The following BATF variants were observed in gnomAD, a reference collection of about 807,000 sequenced individuals.
The protein encoded by BATF is basic leucine zipper ATF-like transcription factor.
Under a neutral mutation model 13.7 loss-of-function variants are expected in BATF, and 5 were observed. That is an observed-to-expected ratio of 0.36 (90% confidence interval 0.19 to 0.77). The LOEUF is 0.77. BATF is among the 30% of genes least tolerant of loss of function. BATF has a pLI of 0.51. For synonymous variants in BATF, 72 were observed against 67.5 expected (o/e 1.07, Z -0.33); for missense variants, 124 against 163.0 (o/e 0.76, Z 1.30).
intron 2 of BATF, among the ~76,000 whole-genome samples, chr14:75,545,388 A>ATTTTTTTTTTTTTTTTTTTT (rs35791450): frequency 9.5e-6 from 1 of 105,216 alleles, no homozygotes; most frequent in African/African-American, 3.9e-5. Context: ...CGCCTGGTTA[A>ATTTTTTTTTTTTTTTTTTTT]TTTTTTTTTT....
intron 2 of BATF, among the ~76,000 whole-genome samples, chr14:75,536,269 A>G (rs1887814879): frequency 6.6e-6 from 1 of 152,212 alleles, no homozygotes; most frequent in Non-Finnish European, 1.5e-5. Flanking sequence ...TTTGAGATCA[A>G]AGGTGAATCA....
At chr14:75,529,797 G>A (rs964469658) in intron 2 of BATF, among the ~76,000 whole-genome samples, 8 of 152,260 alleles carry the variant, frequency 5.3e-5, no homozygotes, top group Middle Eastern at 3.4e-3. Flanking sequence ...CGGGCGCGGC[G>A]GCTCACGCCT....
chr14:75,545,491 T>C (rs1887968320), intron 2 of BATF, among the ~76,000 whole-genome samples: 1 of 145,822 alleles, frequency 6.9e-6, no homozygotes, highest in Admixed American at 7.2e-5. Flanking sequence ...CACCTCCGCC[T>C]CCCAAAATGC....
rs764180470 is a variant in BATF at position 75,546,511 on chromosome 14, A to G, written c.218A>G (p.Lys73Arg). 1 of 1,614,224 alleles carries G rather than the reference A, an allele frequency of 6.2e-7. No homozygotes were observed. The highest frequency in any genetic ancestry group is 8.5e-7 in the Non-Finnish European group (1 of 1,180,030). The change falls in exon 3 of 3, where the codon AAG becomes AGG. Residue 73 changes from lysine (K) to arginine (R), a missense_variant. Lys to Arg is a conservative substitution (Grantham distance 26). Around this residue, in one of 2 missense-constraint regions of BATF, gnomAD observed 65 missense variants for 113.3 expected, o/e 0.57. Transcript: ENST00000286639. ...KQNAALRKEI[K>R]QLTEELKYFT... ...AACGCGGCTCTACGCAAGGAGATCA[A>G]GCAGCTCACAGAGGAACTGAAGTAC... is the stretch of plus-strand genomic sequence containing the variant.
intron 2 of BATF, among the ~76,000 whole-genome samples, chr14:75,528,556 G>A (rs1205239062): frequency 6.6e-6 from 1 of 152,184 alleles, no homozygotes; most frequent in Non-Finnish European, 1.5e-5. Context: ...TCGTAATTGT[G>A]ACATCAACAA....
At position 75,525,136 on chromosome 14, in the gene BATF, C is replaced by T. The variant is rs2140033747; in HGVS notation, c.116C>T (p.Ala39Val). The change falls in exon 2 of 3, where the codon GCC becomes GTC. Residue 39 changes from alanine to valine, a missense_variant. Transcript: ENST00000286639. Reference sequence around the variant, plus strand: ...CAGAGGAGGGAGAAAAATCGTATTGCCGCCCAGAAGAGCCGACAGAGGCAG... The same window carrying T: ...CAGAGGAGGGAGAAAAATCGTATTGTCGCCCAGAAGAGCCGACAGAGGCAG... ...RVQRREKNRI[A>V]AQKSRQRQTQ... The T allele has an allele frequency of 6.2e-7, 1 of 1,613,862 alleles. No homozygotes were observed. Among genetic ancestry groups the T allele is most frequent in the Non-Finnish European group, 8.5e-7 (1 of 1,179,906 alleles).
intron 1 of BATF, 120 bp from the exon 2 acceptor site, chr14:75,524,964 G>T: frequency 2.5e-6 from 2 of 790,754 alleles, no homozygotes; most frequent in Non-Finnish European, 4.1e-6. Flanking sequence ...GGGATGGAGG[G>T]TTCATGCAGA....
intron 1 of BATF, among the ~76,000 whole-genome samples, chr14:75,524,355 G>A (rs1188506954): frequency 1.3e-5 from 2 of 152,200 alleles, no homozygotes; most frequent in African/African-American, 2.4e-5. Context: ...GGGGCCATGG[G>A]GAATGTCACA....
intron 2 of BATF, among the ~76,000 whole-genome samples, chr14:75,526,181 G>C (rs1887652001): frequency 6.6e-6 from 1 of 152,150 alleles, no homozygotes; most frequent in African/African-American, 2.4e-5. Context: ...TTCTGGCTGT[G>C]CCCCTTATAA....
In BATF at chr14:75,522,796, G is replaced by C. The variant is rs371388643; in HGVS notation, c.63+51G>C. 2.0e-5 allele frequency: 32 copies of C among 1,608,490 alleles called. No individual in the cohort carries two copies. In the Middle Eastern group the frequency reaches 4.9e-4, roughly 25 times the overall value. Reference sequence around the variant, plus strand: ...TACCTTCTGATTCTCCTGGGGGATGGAAAGAGAGCCAGGCTTCCTTGTCCT... The same window carrying C: ...TACCTTCTGATTCTCCTGGGGGATGCAAAGAGAGCCAGGCTTCCTTGTCCT... On this transcript the variant is annotated intron_variant, in intron 1 of 2. Transcript: ENST00000286639.
chr14:75,532,177 G>A (rs1366974176), intron 2 of BATF, among the ~76,000 whole-genome samples: 1 of 152,180 alleles, frequency 6.6e-6, no homozygotes, highest in Non-Finnish European at 1.5e-5. Context: ...TCTGACGTCA[G>A]AACCCATTTT....
chr14:75,538,629 C>T (rs1027505195), intron 2 of BATF, among the ~76,000 whole-genome samples: 1 of 152,212 alleles, frequency 6.6e-6, no homozygotes, highest in Non-Finnish European at 1.5e-5. Flanking sequence ...CGGCCAGGTG[C>T]GGTGGCTCAC....
intron 2 of BATF, among the ~76,000 whole-genome samples, chr14:75,531,775 C>T (rs1595004803): frequency 6.6e-6 from 1 of 152,258 alleles, no homozygotes; most frequent in East Asian, 1.9e-4. Context: ...TTGGGTAGCA[C>T]TATTGTTCTT....
chr14:75,533,376 T>C (rs1022976557), intron 2 of BATF, among the ~76,000 whole-genome samples: 3 of 143,330 alleles, frequency 2.1e-5, no homozygotes, highest in African/African-American at 7.9e-5. Flanking sequence ...TGCAGTGAGC[T>C]GAGATCACAC....
At chr14:75,532,019 A>C (rs1340418641) in intron 2 of BATF, among the ~76,000 whole-genome samples, 1 of 152,132 alleles carries the variant, frequency 6.6e-6, no homozygotes, top group Non-Finnish European at 1.5e-5. Context: ...AGAAAAAACC[A>C]TGTTAATTGA....
At chr14:75,526,047 G>A (rs2140034332) in intron 2 of BATF, among the ~76,000 whole-genome samples, 1 of 152,310 alleles carries the variant, frequency 6.6e-6, no homozygotes, top group African/African-American at 2.4e-5. Context: ...TCCTAGTTGA[G>A]TTGCCTCTAG....
intron 2 of BATF, among the ~76,000 whole-genome samples, chr14:75,526,829 T>G (rs1234148961): frequency 1.3e-5 from 2 of 152,206 alleles, no homozygotes; most frequent in African/African-American, 4.8e-5. Flanking sequence ...CCTCTTTCTC[T>G]ATCAGAGTCT....
chr14:75,535,337 G>A lies in BATF; in HGVS notation c.168+10149G>A, dbSNP rs367650670. Among the ~76,000 whole-genome samples the A allele has an allele frequency of 3.2e-4, 48 of 152,238 alleles. 1 individual carries two copies. The highest frequency in any genetic ancestry group is 1.1e-3 in the African/African-American group (44 of 41,550). On this transcript the variant is annotated intron_variant, in intron 2 of 2. Transcript: ENST00000286639. ...GAGGTGGGAAGATCACTTGAGCCCAGGAGGTTGAGGCTGCAGTGAGCCCTG... is the reference window on the plus strand; with the variant it reads ...GAGGTGGGAAGATCACTTGAGCCCAAGAGGTTGAGGCTGCAGTGAGCCCTG...
At chr14:75,526,988 T>C (rs1887663099) in intron 2 of BATF, among the ~76,000 whole-genome samples, 1 of 152,204 alleles carries the variant, frequency 6.6e-6, no homozygotes, top group South Asian at 2.1e-4. Context: ...TTAAGTGGAA[T>C]GTAAGTATAG....
Sources: gnomAD v4.1 joint callset for allele counts (sites outside exome capture counted in the v4.1 genomes callset) on GRCh38, gnomAD v4.1.1 for gene constraint, gnomAD v4.1.1 regional missense constraint, MANE v1.5 for transcripts, NCBI Gene and HGNC (gene_info 2026-07-23, HGNC 2026-07-21) for gene names.